Variants in GRID1 observed in about 807,000 individuals in gnomAD.
GRID1 encodes the protein glutamate ionotropic receptor delta type subunit 1.
GRID1 carries 28 observed loss-of-function variants against 98.0 expected under a neutral mutation model. The ratio of observed to expected loss-of-function variants is 0.29; its 90% CI spans 0.21 to 0.39. GRID1 has a LOEUF of 0.39. Among genes scored for constraint, GRID1 ranks in the 10% least tolerant of loss-of-function variants. The pLI, the probability that GRID1 is intolerant of heterozygous loss-of-function variation, is 1.00. For missense variants in GRID1, 1,111 were observed against 1,340.5 expected, an observed-to-expected ratio of 0.83 and a Z score of 2.67; for synonymous variants, 553 against 538.5, an observed-to-expected ratio of 1.03 and a Z score of -0.37.
chr10:86,121,570 TCAA>T (rs1408806566), intron 4 of GRID1, among the ~76,000 whole-genome samples: 7 of 112,052 alleles, frequency 6.2e-5, no homozygotes, highest in Non-Finnish European at 7.9e-5. Flanking sequence ...ATTATCACCA[TCAA>T]CATCACCACC....
intron 4 of GRID1, among the ~76,000 whole-genome samples, chr10:86,091,389 A>G (rs1209061428): frequency 1.3e-5 from 2 of 152,016 alleles, no homozygotes; most frequent in Non-Finnish European, 2.9e-5. Context: ...GACAACCTGC[A>G]TAACTCATCA....
In GRID1 at chr10:85,613,611, C is replaced by T. The variant is rs1261956887; in HGVS notation, c.2397G>A (p.Val799=). The T allele has an allele frequency of 1.1e-5, 18 of 1,614,174 alleles. No homozygotes were observed. The highest frequency in any genetic ancestry group is 1.4e-5 in the Non-Finnish European group (17 of 1,180,026). The change falls in exon 15 of 16, where the codon GTG becomes GTA. Residue 799 remains valine, a synonymous_variant. Coordinates refer to ENST00000327946, the MANE Select transcript of GRID1 (RefSeq NM_017551.3). ...TGTGCGGCCACCACTTCTGCTTCAG[C>T]ACATCCAGGTCCCCTGTGTCCTGCA... The part of the protein sequence containing the change: ...LELQDTGDLD[V]LKQKWWPHMG...
At chr10:85,628,239 T>C (rs1842934458) in intron 13 of GRID1, among the ~76,000 whole-genome samples, 1 of 151,816 alleles carries the variant, frequency 6.6e-6, no homozygotes, top group Non-Finnish European at 1.5e-5. Flanking sequence ...GTTGGAATAA[T>C]ATATGTGCAG....
chr10:86,306,326 T>C (rs930084456), intron 2 of GRID1, among the ~76,000 whole-genome samples: 1 of 152,234 alleles, frequency 6.6e-6, no homozygotes, highest in Non-Finnish European at 1.5e-5. Flanking sequence ...TGGTGGCTTA[T>C]ACAGGGCTCT....
intron 4 of GRID1, among the ~76,000 whole-genome samples, chr10:86,129,009 G>A (rs1327926349): frequency 6.6e-6 from 1 of 152,210 alleles, no homozygotes; most frequent in Non-Finnish European, 1.5e-5. Flanking sequence ...AGAAAGCGGG[G>A]CAAGAAAGGG....
intron 4 of GRID1, among the ~76,000 whole-genome samples, chr10:86,094,761 C>G (rs930927526): frequency 6.6e-6 from 1 of 151,942 alleles, no homozygotes; most frequent in African/African-American, 2.4e-5. Context: ...AATGACCATA[C>G]TGCCAAAAGC....
chr10:86,203,013 G>A (rs966799876), intron 3 of GRID1, among the ~76,000 whole-genome samples: 13 of 152,158 alleles, frequency 8.5e-5, no homozygotes, highest in Middle Eastern at 3.2e-3. Flanking sequence ...CTAAATGCAT[G>A]GGTACTAAAG....
At chr10:86,282,274 T>G (rs1420542384) in intron 2 of GRID1, among the ~76,000 whole-genome samples, 1 of 152,142 alleles carries the variant, frequency 6.6e-6, no homozygotes, top group Non-Finnish European at 1.5e-5. Context: ...TGGGTGTCCC[T>G]CTCTCTCCCT....
chr10:86,264,343 T>G (rs1847070086), intron 2 of GRID1, among the ~76,000 whole-genome samples: 1 of 152,188 alleles, frequency 6.6e-6, no homozygotes. Context: ...TGCTGGAACT[T>G]CCTGCCTGTC....
intron 8 of GRID1, among the ~76,000 whole-genome samples, chr10:85,750,946 C>T (rs972075786): frequency 3.3e-5 from 5 of 152,132 alleles, no homozygotes; most frequent in African/African-American, 7.2e-5. Flanking sequence ...ATTGTATTAA[C>T]ATTAGAAAAT....
chr10:85,738,166 G>C (rs1188010752), intron 8 of GRID1, among the ~76,000 whole-genome samples: 3 of 152,080 alleles, frequency 2.0e-5, no homozygotes, highest in African/African-American at 4.8e-5. Flanking sequence ...CCCAATAAAG[G>C]ATATGTATCA....
At chr10:86,131,392 C>T (rs931045748) in intron 4 of GRID1, among the ~76,000 whole-genome samples, 1 of 152,180 alleles carries the variant, frequency 6.6e-6, no homozygotes, top group African/African-American at 2.4e-5. Flanking sequence ...ATGTCTGCTG[C>T]CTCCTTGGCC....
At position 86,064,420 on chromosome 10, in the gene GRID1, C is replaced by A. The variant is rs367781740; in HGVS notation, c.726+74399G>T. ...CCCTCCCCTAAGGGAGGCACCGCTG[C>A]CTCACAGAAGCTGGCCTGGAAGGGA... On this transcript the variant is annotated intron_variant, in intron 4 of 15. Transcript: ENST00000327946. Among the ~76,000 whole-genome samples, 30 of 152,328 alleles carry A rather than the reference C, an allele frequency of 2.0e-4. 1 individual carries two copies. The South Asian group carries it at 5.6e-3, about 28-fold the overall frequency.
intron 13 of GRID1, among the ~76,000 whole-genome samples, chr10:85,633,696 T>C (rs1299490445): frequency 6.6e-6 from 1 of 152,230 alleles, no homozygotes. Flanking sequence ...AGTATTCCTT[T>C]ATAGCCTTTG....
chr10:85,750,721 T>C (rs1293362795), intron 8 of GRID1, among the ~76,000 whole-genome samples: 1 of 152,136 alleles, frequency 6.6e-6, no homozygotes, highest in East Asian at 1.9e-4. Context: ...TGATCAGTAA[T>C]TTAAATTCCA....
At chr10:85,932,608 C>A (rs1178640102) in intron 4 of GRID1, among the ~76,000 whole-genome samples, 1 of 152,200 alleles carries the variant, frequency 6.6e-6, no homozygotes, top group Admixed American at 6.5e-5. Context: ...CACTTTAACC[C>A]TTTGCCATCA....
At chr10:86,097,514 C>G (rs542082961) in intron 4 of GRID1, among the ~76,000 whole-genome samples, 10 of 152,132 alleles carry the variant, frequency 6.6e-5, no homozygotes, top group Admixed American at 4.6e-4. Context: ...TATCTGTCTA[C>G]CTATCTATCT....
At chr10:86,277,290 T>A (rs1847286642) in intron 2 of GRID1, among the ~76,000 whole-genome samples, 1 of 152,180 alleles carries the variant, frequency 6.6e-6, no homozygotes, top group Non-Finnish European at 1.5e-5. Flanking sequence ...AAAAGCTGAG[T>A]GCATTTCTTA....
At chr10:85,813,359 C>G (rs1842689597) in intron 8 of GRID1, among the ~76,000 whole-genome samples, 1 of 151,034 alleles carries the variant, frequency 6.6e-6, no homozygotes, top group Admixed American at 6.6e-5. Context: ...GAAAACAACA[C>G]ATTATACACA....
Sources: allele counts gnomAD v4.1 joint callset (sites outside exome capture counted in the v4.1 genomes callset), GRCh38; gene constraint gnomAD v4.1.1; transcripts MANE v1.5; gene names NCBI Gene and HGNC (gene_info 2026-07-23, HGNC 2026-07-21).